The following HMCN2 variants were observed in gnomAD, a reference collection of about 807,000 sequenced individuals.
HMCN2 encodes the protein hemicentin-2.
Under a neutral mutation model 377.5 loss-of-function variants are expected in HMCN2, and 325 were observed. The observed-to-expected ratio is 0.86, with a 90% CI of 0.79 to 0.94. The LOEUF (loss-of-function observed/expected upper bound fraction) is 0.94. Among genes scored for constraint, HMCN2 ranks in the 40% least tolerant of loss-of-function variants. The pLI is 0.00. For synonymous variants in HMCN2, 2,007 were observed against 2,046.8 expected (o/e 0.98, Z 0.53); for missense variants, 4,543 against 4,725.3 (o/e 0.96, Z 1.13).
At chr9:130,418,004 T>C (rs35214996) in intron 85 of HMCN2, among the ~76,000 whole-genome samples, 4,898 of 152,172 alleles carry the variant, frequency 0.032, 187 homozygotes, top group African/African-American at 0.09. Context: ...ATATTTCAGA[T>C]GGGAACACTG....
At chr9:130,396,388 G>C (rs1842610909) in intron 73 of HMCN2, 75 bp downstream of exon 73, 1 of 1,170,964 alleles carries the variant, frequency 8.5e-7, no homozygotes, top group Admixed American at 2.8e-5. Flanking sequence ...AACTCACTTG[G>C]GCAATTGGAG....
At chr9:130,385,320 G>C (rs1841963529) in intron 59 of HMCN2, among the ~76,000 whole-genome samples, 1 of 152,130 alleles carries the variant, frequency 6.6e-6, no homozygotes, top group Non-Finnish European at 1.5e-5. Context: ...GCGGGCGACA[G>C]CATCTCCCCC....
chr9:130,378,271 C>T (rs1478131975), intron 53 of HMCN2, among the ~76,000 whole-genome samples: 2 of 146,408 alleles, frequency 1.4e-5, no homozygotes, highest in Admixed American at 1.4e-4. Context: ...AGGAGGGAGC[C>T]GGGAGTCAGA....
intron 1 of HMCN2, among the ~76,000 whole-genome samples, chr9:130,280,635 A>G (rs549499957): frequency 5.5e-4 from 84 of 152,270 alleles, no homozygotes; most frequent in African/African-American, 1.9e-3. Context: ...ATTTGCTCAC[A>G]CTTACTTGTT....
chr9:130,321,601 T>C (rs1837854940), intron 18 of HMCN2, among the ~76,000 whole-genome samples, 186 bp from the exon 19 acceptor site: 1 of 152,098 alleles, frequency 6.6e-6, no homozygotes, highest in Non-Finnish European at 1.5e-5. Flanking sequence ...CTGCAGGGTC[T>C]CTGGAGGGCT....
intron 4 of HMCN2, among the ~76,000 whole-genome samples, chr9:130,293,525 G>C (rs1489467220): frequency 6.6e-6 from 1 of 151,940 alleles, no homozygotes; most frequent in Non-Finnish European, 1.5e-5. Flanking sequence ...CTCTGTCTTG[G>C]TTTCCTTGCT....
At position 130,351,637 on chromosome 9, in the gene HMCN2, C is replaced by G. The variant is rs1839721920; in HGVS notation, c.4585+60C>G. 8.0e-6 allele frequency: 10 copies of G among 1,252,410 alleles called. 1 individual carries two copies. The highest frequency in any genetic ancestry group is 4.9e-4 in the Middle Eastern group (2 of 4,104). The allele number at this position is 1,252,410 out of a possible 1,614,324, so 77.6% of individuals were successfully genotyped here. A position where few individuals can be genotyped will look rare whatever the true frequency, so the allele number is the denominator to read the frequency against. On this transcript the variant is annotated intron_variant, in intron 30 of 97. Coordinates refer to ENST00000683500, the MANE Select transcript of HMCN2 (RefSeq NM_001291815.2). This position sits in a 1 kb window ranked among gnomAD's most constrained non-coding sequence, Gnocchi z 5.4. Reference sequence around the variant, plus strand: ...GCTACTCAGGAAGCTTCCCACCCAGCTGCCCGCTGCCTTAGAGGGAGAGTG... The same window carrying G: ...GCTACTCAGGAAGCTTCCCACCCAGGTGCCCGCTGCCTTAGAGGGAGAGTG...
chr9:130,309,831 C>A, intron 14 of HMCN2, 81 bp from the exon 15 acceptor site: 1 of 358,242 alleles, frequency 2.8e-6, no homozygotes, highest in Non-Finnish European at 5.8e-6. Context: ...CCGCAGGAGC[C>A]AAGGGTCAGG....
At chr9:130,353,572 C>G (rs1436691708) in intron 31 of HMCN2, among the ~76,000 whole-genome samples, 1 of 152,208 alleles carries the variant, frequency 6.6e-6, no homozygotes, top group Non-Finnish European at 1.5e-5. Flanking sequence ...ACCAGAGGGG[C>G]ACTTTGCAGC....
intron 25 of HMCN2, among the ~76,000 whole-genome samples, chr9:130,344,983 T>C (rs1160622806): frequency 6.8e-6 from 1 of 147,740 alleles, no homozygotes; most frequent in Non-Finnish European, 1.5e-5. Context: ...GTGTATATGT[T>C]GTATGTGTTG....
Position 130,382,668 on chromosome 9 carries a change from C to A in HMCN2, c.8546-11C>A. The A allele has an allele frequency of 1.0e-6, 1 of 982,742 alleles. No homozygotes were observed. Among genetic ancestry groups the A allele is most frequent in the Non-Finnish European group, 1.2e-6 (1 of 827,382 alleles). The allele number at this position is 982,742 out of a possible 1,614,324, so 60.9% of individuals were successfully genotyped here. A position where few individuals can be genotyped will look rare whatever the true frequency, so the allele number is the denominator to read the frequency against. On this transcript the variant is annotated splice_polypyrimidine_tract_variant and intron_variant, in intron 55 of 97. Transcript: ENST00000683500. The stretch of plus-strand genomic sequence containing the variant: ...GTGCCAGCCCCTCAGCCCCCTCTCC[C>A]CCACCCCCAGCCCCACCTGTGATCC...
intron 48 of HMCN2, among the ~76,000 whole-genome samples, chr9:130,373,737 G>A (rs796075740): frequency 0.073 from 1,570 of 21,428 alleles, 1 homozygote; most frequent in Non-Finnish European, 0.27. Flanking sequence ...GGATAGGTAG[G>A]TGGATGGATA....
chr9:130,374,745 C>A (rs1841283041), intron 49 of HMCN2, 52 bp downstream of exon 49: 1 of 909,642 alleles, frequency 1.1e-6, no homozygotes, highest in Non-Finnish European at 1.3e-6. Flanking sequence ...GAGGGAGAAG[C>A]AAGGTGACTG....
At position 130,277,880 on chromosome 9, in the gene HMCN2, C is replaced by CGAT. The variant is rs1834827653; in HGVS notation, c.260-6723_260-6722insGAT. Among the ~76,000 whole-genome samples, 2 of 12,464 alleles carry CGAT rather than the reference C, an allele frequency of 1.6e-4. 1 individual carries two copies. Among genetic ancestry groups the CGAT allele is most frequent in the African/African-American group, 4.6e-4 (2 of 4,360 alleles). The allele number at this position is 12,464 out of a possible 152,430, so 8.2% of individuals were successfully genotyped here. ...ACCACCATCATCATCATCACCACCA[C>CGAT]CATCATCATCACCACCACCATCATC... On this transcript the variant is annotated intron_variant, in intron 1 of 97. Coordinates refer to ENST00000683500, the MANE Select transcript of HMCN2 (RefSeq NM_001291815.2).
intron 22 of HMCN2, among the ~76,000 whole-genome samples, chr9:130,327,690 A>G (rs1343320151): frequency 2.0e-5 from 3 of 152,192 alleles, no homozygotes; most frequent in Non-Finnish European, 4.4e-5. Context: ...GAGACTCCCC[A>G]TCTGAAATAA....
At chr9:130,279,265 C>G (rs1435619879) in intron 1 of HMCN2, among the ~76,000 whole-genome samples, 1 of 152,174 alleles carries the variant, frequency 6.6e-6, no homozygotes, top group Admixed American at 6.5e-5. Flanking sequence ...ATCTTCCCCC[C>G]TGACATGGAG....
intron 48 of HMCN2, 63 bp downstream of exon 48, chr9:130,373,187 G>A (rs538805182): frequency 1.7e-4 from 97 of 563,478 alleles, no homozygotes; most frequent in African/African-American, 1.4e-3. Flanking sequence ...AGAAAGGAGG[G>A]GATCCCTGGG....
At chr9:130,410,013 G>A (rs10901312) in intron 84 of HMCN2, among the ~76,000 whole-genome samples, 27,905 of 152,024 alleles carry the variant, frequency 0.18, 3,271 homozygotes, top group East Asian at 0.4. Flanking sequence ...TTAGGGAAAC[G>A]CTGCAAACGA....
intron 51 of HMCN2, 64 bp from the exon 52 acceptor site, chr9:130,376,452 G>C: frequency 6.4e-6 from 5 of 777,048 alleles, no homozygotes; most frequent in Non-Finnish European, 7.8e-6. Flanking sequence ...CCCAGGACCA[G>C]GGTAAGCTCA....
Sources: allele counts gnomAD v4.1 joint callset (sites outside exome capture counted in the v4.1 genomes callset), GRCh38; gene constraint gnomAD v4.1.1; non-coding constraint Gnocchi (gnomAD v3.1); transcripts MANE v1.5; gene names NCBI Gene and HGNC (gene_info 2026-07-23, HGNC 2026-07-21).